Variants in HCFC1R1 observed in about 807,000 individuals in gnomAD.
HCFC1R1 encodes host cell factor C1 regulator 1.
A neutral mutation model predicts 13.3 loss-of-function variants in HCFC1R1; 17 were observed. The observed-to-expected ratio is 1.28, with a 90% CI of 0.87 to 1.91. The LOEUF (loss-of-function observed/expected upper bound fraction) is 1.91. Among genes scored for constraint, HCFC1R1 ranks in the 40% most tolerant of loss-of-function variants. The pLI, the probability that HCFC1R1 is intolerant of heterozygous loss-of-function variation, is 0.00. For synonymous variants in HCFC1R1, 87 were observed against 71.1 expected (o/e 1.22, Z -1.12); for missense variants, 218 against 177.9 (o/e 1.23, Z -1.28).
chr16:3,023,921 C>A lies in HCFC1R1; in HGVS notation c.21G>T (p.Leu7Phe). ...GGGCCCCTCCCTGGGGGCCTCGCTG[C>A]AAGGGCTGCTGCAGGATCATTGGGT... MILQQP[L>F]QRGPQGGAQR... The change falls in exon 1 of 4, where the codon TTG (leucine) becomes TTT (phenylalanine). Residue 7 changes from leucine to phenylalanine, a missense_variant. By Grantham distance (22) the Leu-to-Phe change is conservative (BLOSUM62 0). Transcript: ENST00000248089. 1 of 1,557,148 alleles carries A rather than the reference C, an allele frequency of 6.4e-7. No individual in the cohort carries two copies.
Position 3,022,868 on chromosome 16 carries a change from G to A in HCFC1R1, c.412C>T (p.Leu138Phe), listed in dbSNP as rs763525195. ...PATPAGDIME[L>F] ...GGGGCACTGTCCACCAGCACTCAGA[G>A]CTCCATTATGTCCCCAGCTGGGGTT... is the stretch of plus-strand genomic sequence containing the variant. The change falls in exon 4 of 4, where the codon CTC becomes TTC. Residue 138 changes from leucine (L) to phenylalanine (F), a missense_variant. Coordinates refer to ENST00000248089, the MANE Select transcript of HCFC1R1 (RefSeq NM_017885.4). The A allele has an allele frequency of 7.2e-6, 11 of 1,531,576 alleles. No homozygotes were observed. The Admixed American group carries it at 1.3e-4, about 18-fold the overall frequency. 94.9% of individuals were successfully genotyped at this position (1,531,576 alleles called of 1,614,324 possible).
In HCFC1R1 at chr16:3,023,006, A is replaced by G; in HGVS notation, c.282-8T>C. On this transcript the variant is annotated splice_region_variant and splice_polypyrimidine_tract_variant and intron_variant, in intron 3 of 3. Coordinates refer to ENST00000248089, the MANE Select transcript of HCFC1R1 (RefSeq NM_017885.4). Reference sequence around the variant, plus strand: ...AGCTCAGAGCAAGGGCTCCTAGAAGAGGAAATGACTGTCAGGGCATGGAGC... The same window carrying G: ...AGCTCAGAGCAAGGGCTCCTAGAAGGGGAAATGACTGTCAGGGCATGGAGC... The G allele has an allele frequency of 1.3e-6, 2 of 1,596,308 alleles. No individual in the cohort carries two copies. The highest frequency in any genetic ancestry group is 1.7e-6 in the Non-Finnish European group (2 of 1,174,776).
At chr16:3,024,028 G>C (rs2072705437), upstream of HCFC1R1, 1 of 1,086,276 alleles carries the variant, frequency 9.2e-7, no homozygotes, top group Non-Finnish European at 1.3e-6. Flanking sequence ...CGTGGCTTTA[G>C]GCGGGCACAG....
chr16:3,022,701 T>A lies in HCFC1R1; in HGVS notation c.*162A>T. 3.6e-4 allele frequency: 162 copies of A among 453,672 alleles called. No homozygotes were observed. The highest frequency in any genetic ancestry group is 4.3e-4 in the Admixed American group (9 of 20,734). The allele number at this position is 453,672 out of a possible 1,614,324, so 28.1% of individuals were successfully genotyped here. ...CCTTCCCATGCTCCCACCCCTCCCA[T>A]CCCAGAACTCCGTTGGGCTCAGTGT... On this transcript the variant is annotated 3_prime_UTR_variant, in exon 4 of 4. Coordinates refer to ENST00000248089, the MANE Select transcript of HCFC1R1 (RefSeq NM_017885.4).
At position 3,022,676 on chromosome 16, in the gene HCFC1R1, C is replaced by A; in HGVS notation, c.*187G>T. The A allele has an allele frequency of 6.3e-6, 3 of 477,164 alleles. No individual in the cohort carries two copies. The highest frequency in any genetic ancestry group is 1.1e-5 in the Non-Finnish European group (3 of 271,124). 29.6% of individuals were successfully genotyped at this position (477,164 alleles called of 1,614,324 possible). ...GTTCTTCTTGGGGGTGGGATGCCTC[C>A]CTTCCCATGCTCCCACCCCTCCCAT... On this transcript the variant is annotated 3_prime_UTR_variant, in exon 4 of 4. Transcript: ENST00000248089.
rs754721480 is a variant in HCFC1R1 at position 3,023,578 on chromosome 16, C to T, written c.96-48G>A. The T allele has an allele frequency of 2.0e-6, 3 of 1,515,578 alleles. No individual in the cohort carries two copies. In the African/African-American group the frequency reaches 4.2e-5, roughly 21 times the overall value. 93.9% of individuals were successfully genotyped at this position (1,515,578 alleles called of 1,614,324 possible). ...TGCACCCCACCCTCTTGGCCCCTTC[C>T]CAAGGATCTGCCCGCCTAAGCCTGC... On this transcript the variant is annotated intron_variant, in intron 1 of 3. Transcript: ENST00000248089.
chr16:3,023,074 C>T lies in HCFC1R1; in HGVS notation c.282-76G>A, dbSNP rs2072653966. On this transcript the variant is annotated intron_variant, in intron 3 of 3. Coordinates refer to ENST00000248089, the MANE Select transcript of HCFC1R1 (RefSeq NM_017885.4). Reference sequence around the variant, plus strand: ...AGCACCTCCCACCAGGTCCAGGTCCCCAGGGGCTCCTGGGTTCCCAGCACT... The same window carrying T: ...AGCACCTCCCACCAGGTCCAGGTCCTCAGGGGCTCCTGGGTTCCCAGCACT... The T allele has an allele frequency of 2.6e-6, 4 of 1,549,098 alleles. No individual in the cohort carries two copies. In the South Asian group the frequency reaches 3.6e-5, roughly 14 times the overall value.
Position 3,023,066 on chromosome 16 carries a change from C to T in HCFC1R1, c.282-68G>A, listed in dbSNP as rs183306969. On this transcript the variant is annotated intron_variant, in intron 3 of 3. Transcript: ENST00000248089. The stretch of plus-strand genomic sequence containing the variant: ...CCTAGCTGAGCACCTCCCACCAGGT[C>T]CAGGTCCCCAGGGGCTCCTGGGTTC... 1,425 of 1,553,792 alleles carry T rather than the reference C, an allele frequency of 9.2e-4. 5 individuals are homozygous for T. Among genetic ancestry groups the T allele is most frequent in the Middle Eastern group, 7.4e-3 (40 of 5,410 alleles).
intron 3 of HCFC1R1, 80 bp from the exon 4 acceptor site, chr16:3,023,078 G>A: frequency 1.9e-6 from 3 of 1,544,322 alleles, no homozygotes; most frequent in Non-Finnish European, 2.6e-6. Flanking sequence ...AGGTCCCCAG[G>A]GGCTCCTGGG....
Position 3,022,827 on chromosome 16 carries a change from A to C in HCFC1R1, c.*36T>G. The C allele has an allele frequency of 3.4e-6, 5 of 1,462,156 alleles. No homozygotes were observed. The highest frequency in any genetic ancestry group is 1.5e-5 in the African/African-American group (1 of 66,962). The allele number at this position is 1,462,156 out of a possible 1,614,324, so 90.6% of individuals were successfully genotyped here. On this transcript the variant is annotated 3_prime_UTR_variant, in exon 4 of 4. Coordinates refer to ENST00000248089, the MANE Select transcript of HCFC1R1 (RefSeq NM_017885.4). ...GTCGCTGGTCTCTTCTGTTGTGGGG[A>C]AGAAGGAAGGTGGGAGGGGCACTGT... is the stretch of plus-strand genomic sequence containing the variant.
upstream of HCFC1R1, chr16:3,024,046 G>T: frequency 1.0e-6 from 1 of 961,386 alleles, no homozygotes; most frequent in Non-Finnish European, 1.5e-6. Context: ...CAGCCGCGAG[G>T]TTCTGCGCGG....
Position 3,023,755 on chromosome 16 carries a change from C to G in HCFC1R1, c.95+92G>C, listed in dbSNP as rs1383326409. On this transcript the variant is annotated intron_variant, in intron 1 of 3. Transcript: ENST00000248089. ...CACGCCTAAGCCCCGCCGATTCGCC[C>G]CACCCCGTATTCATCCTGCAGACCA... The G allele has an allele frequency of 6.9e-6, 8 of 1,152,726 alleles. No individual in the cohort carries two copies. In the East Asian group the frequency reaches 1.5e-4, roughly 22 times the overall value. 71.4% of individuals were successfully genotyped at this position (1,152,726 alleles called of 1,614,324 possible).
chr16:3,024,242 G>A, upstream of HCFC1R1: 1 of 1,565,706 alleles, frequency 6.4e-7, no homozygotes, highest in African/African-American at 1.4e-5. Context: ...GCGGTAGGGC[G>A]CCACGGAGAG....
Position 3,023,118 on chromosome 16 carries a change from G to A in HCFC1R1, c.281+115C>T. ...CAGCACTTTCCAAAGAGCCAAGATGGGAAACAACCCAGAGGTCAGCTAGAG... is the reference window on the plus strand; with the variant it reads ...CAGCACTTTCCAAAGAGCCAAGATGAGAAACAACCCAGAGGTCAGCTAGAG... On this transcript the variant is annotated intron_variant, in intron 3 of 3. Coordinates refer to ENST00000248089, the MANE Select transcript of HCFC1R1 (RefSeq NM_017885.4). 4.6e-6 allele frequency: 7 copies of A among 1,513,868 alleles called. No homozygotes were observed. In the South Asian group the frequency reaches 4.8e-5, roughly 10 times the overall value. The allele number at this position is 1,513,868 out of a possible 1,614,324, so 93.8% of individuals were successfully genotyped here. A position where few individuals can be genotyped will look rare whatever the true frequency, so the allele number is the denominator to read the frequency against.
chr16:3,023,651 G>A, intron 1 of HCFC1R1, 121 bp from the exon 2 acceptor site: 1 of 1,233,630 alleles, frequency 8.1e-7, no homozygotes, highest in Non-Finnish European at 1.1e-6. Context: ...GCTGGTGCCG[G>A]TCCCCGCTCT....
intron 3 of HCFC1R1, 89 bp downstream of exon 3, chr16:3,023,144 C>G: frequency 6.7e-7 from 1 of 1,503,226 alleles, no homozygotes; most frequent in Non-Finnish European, 9.0e-7. Context: ...TCAGCTAGAG[C>G]TAAAAATGGC....
At position 3,022,978 on chromosome 16, in the gene HCFC1R1, A is replaced by G; in HGVS notation, c.302T>C (p.Leu101Pro). The G allele has an allele frequency of 2.5e-6, 4 of 1,595,002 alleles. No individual in the cohort carries two copies. Among genetic ancestry groups the G allele is most frequent in the Non-Finnish European group, 2.6e-6 (3 of 1,174,230 alleles). The change falls in exon 4 of 4, where the codon CTT becomes CCT. Residue 101 changes from leucine (L) to proline (P), a missense_variant. Physicochemically the swap from Leu to Pro is moderately conservative, Grantham distance 98. Transcript: ENST00000248089. The part of the protein sequence containing the change: ...PPLRSPCSEL[L>P]LWRYPGSLIP... ...GAGGCTGCCAGGATAGCGCCAGAGA[A>G]GCAGCTCAGAGCAAGGGCTCCTAGA...
chr16:3,023,674 A>T (rs2072687111), intron 1 of HCFC1R1, 144 bp from the exon 2 acceptor site: 1 of 1,125,538 alleles, frequency 8.9e-7, no homozygotes, highest in Non-Finnish European at 1.2e-6. Flanking sequence ...TGGACCATCC[A>T]GCAGGGTACC....
In HCFC1R1 at chr16:3,023,897, G is replaced by C. The variant is rs1236668997; in HGVS notation, c.45C>G (p.Ala15=). The stretch of plus-strand genomic sequence containing the variant: ...CCAAGGCGGCCCGCGGGAGGCGCTG[G>C]GCCCCTCCCTGGGGGCCTCGCTGCA... ...QPLQRGPQGG[A]QRLPRAALGV... Residue 15 remains alanine (A), a synonymous_variant, in exon 1 of 4, where the codon GCC becomes GCG. Transcript: ENST00000248089. 1.9e-6 allele frequency: 3 copies of C among 1,557,880 alleles called. No individual in the cohort carries two copies. The highest frequency in any genetic ancestry group is 2.6e-6 in the Non-Finnish European group (3 of 1,155,424).
Sources: allele counts gnomAD v4.1 joint callset, GRCh38; gene constraint gnomAD v4.1.1; transcripts MANE v1.5; gene names NCBI Gene and HGNC (gene_info 2026-07-23, HGNC 2026-07-21).